CLEC2A: variants seen among roughly 807,000 people sequenced by gnomAD.
CLEC2A encodes C-type lectin domain family 2 member A, also known as keratinocyte-associated C-type lectin.
A neutral mutation model predicts 18.6 loss-of-function variants in CLEC2A; 19 were observed. That is an observed-to-expected ratio of 1.02 (90% confidence interval 0.71 to 1.50). The LOEUF (loss-of-function observed/expected upper bound fraction) is 1.50, where lower values mean the gene tolerates loss of function less well. Among genes scored for constraint, CLEC2A ranks in the 40% most tolerant of loss-of-function variants. The pLI is 0.00. For missense variants in CLEC2A, 190 were observed against 207.9 expected (o/e 0.91, Z 0.53); for synonymous variants, 74 against 64.0 (o/e 1.16, Z -0.75).
intron 3 of CLEC2A, among the ~76,000 whole-genome samples, chr12:9,918,714 G>A (rs943389894): frequency 5.3e-5 from 8 of 152,138 alleles, no homozygotes; most frequent in Non-Finnish European, 4.4e-5. Context: ...GTTCAGCCTC[G>A]TTAAGAACTC....
intron 3 of CLEC2A, among the ~76,000 whole-genome samples, chr12:9,919,784 C>T (rs938413364): frequency 6.6e-6 from 1 of 152,202 alleles, no homozygotes; most frequent in Non-Finnish European, 1.5e-5. Context: ...GCCTACAAAA[C>T]AGCAAAGAAG....
intron 3 of CLEC2A, among the ~76,000 whole-genome samples, chr12:9,921,311 G>A (rs1863169512): frequency 6.6e-6 from 1 of 152,184 alleles, no homozygotes; most frequent in Non-Finnish European, 1.5e-5. Flanking sequence ...AGTTAACCAT[G>A]CTGTTTATGG....
In CLEC2A at chr12:9,924,302, C is replaced by A. The variant is rs139112047; in HGVS notation, c.139+1958G>T. Among the ~76,000 whole-genome samples, 1,220 of 152,076 alleles carry A rather than the reference C, an allele frequency of 8.0e-3. 16 individuals carry two copies. The highest frequency in any genetic ancestry group is 9.7e-3 in the Non-Finnish European group (662 of 67,964). ...TCTTTTTAATCAATGAATAAATGAA[C>A]ATAAAAACTTACTGTAGAAACTCTT... On this transcript the variant is annotated intron_variant, in intron 2 of 4. Transcript: ENST00000455827.
At chr12:9,880,886 G>C in the CLEC2A span, among the ~76,000 whole-genome samples, 1 of 152,106 alleles carries the variant, frequency 6.6e-6, no homozygotes, top group Non-Finnish European at 1.5e-5. Context: ...ACAGAAATAA[G>C]CAGAATGATG....
chr12:9,890,128 T>C, the CLEC2A span, among the ~76,000 whole-genome samples: 1 of 152,212 alleles, frequency 6.6e-6, no homozygotes, highest in African/African-American at 2.4e-5. Context: ...CTAGATATTA[T>C]ACCATTGAAT....
chr12:9,883,167 G>T, the CLEC2A span, among the ~76,000 whole-genome samples: 1 of 152,130 alleles, frequency 6.6e-6, no homozygotes, highest in Non-Finnish European at 1.5e-5. Context: ...ATTCTTACCA[G>T]TTGTTCAGTT....
At chr12:9,891,633 C>T in the CLEC2A span, among the ~76,000 whole-genome samples, 2 of 152,242 alleles carry the variant, frequency 1.3e-5, no homozygotes, top group South Asian at 4.1e-4. Context: ...TGTATTTGTA[C>T]AACTGAAATT....
chr12:9,912,363 G>C (rs1175008778), downstream of CLEC2A, among the ~76,000 whole-genome samples: 1 of 152,044 alleles, frequency 6.6e-6, no homozygotes, highest in Admixed American at 6.5e-5. Context: ...GACCCCACTT[G>C]CCTGTCCCTC....
chr12:9,930,845 CTGTCA>C (rs1863364029), intron 1 of CLEC2A, among the ~76,000 whole-genome samples: 1 of 151,378 alleles, frequency 6.6e-6, no homozygotes, highest in Non-Finnish European at 1.5e-5. Context: ...GTTTTCTTTT[CTGTCA>C]TGTTTTTAAT....
At position 9,916,555 on chromosome 12, in the gene CLEC2A, G is replaced by A. The variant is rs1163428239; in HGVS notation, c.410+145C>T. ...TCTAGGATATGCTTCAATGTGAAAGGGCATATGTCATCGATTGGAGACTGA... is the reference window on the plus strand; with the variant it reads ...TCTAGGATATGCTTCAATGTGAAAGAGCATATGTCATCGATTGGAGACTGA... On this transcript the variant is annotated intron_variant, in intron 4 of 4. Transcript: ENST00000455827. 8 of 626,606 alleles carry A rather than the reference G, an allele frequency of 1.3e-5. No homozygotes were observed. In the East Asian group the frequency reaches 1.9e-4, roughly 15 times the overall value. 38.8% of individuals were successfully genotyped at this position (626,606 alleles called of 1,614,324 possible). A position where few individuals can be genotyped will look rare whatever the true frequency, so the allele number is the denominator to read the frequency against.
At chr12:9,887,724 GTTT>G in the CLEC2A span, among the ~76,000 whole-genome samples, 5 of 133,522 alleles carry the variant, frequency 3.7e-5, no homozygotes, top group African/African-American at 5.5e-5. Context: ...GGTCAAAAGA[GTTT>G]TTTTTTTTTT....
chr12:9,887,624 G>A, the CLEC2A span, among the ~76,000 whole-genome samples: 3 of 151,600 alleles, frequency 2.0e-5, no homozygotes, highest in Admixed American at 6.6e-5. Flanking sequence ...ATTAACAACT[G>A]TTCTGTTTTC....
At chr12:9,925,186 G>T (rs914314419) in intron 2 of CLEC2A, among the ~76,000 whole-genome samples, 3 of 152,196 alleles carry the variant, frequency 2.0e-5, no homozygotes, top group African/African-American at 7.2e-5. Context: ...TTAACTAAAC[G>T]CATGTGCTTT....
the CLEC2A span, among the ~76,000 whole-genome samples, chr12:9,879,226 T>G: frequency 6.6e-6 from 1 of 151,976 alleles, no homozygotes; most frequent in Non-Finnish European, 1.5e-5. Context: ...CTAAGGAAAA[T>G]TACATGTATG....
intron 4 of CLEC2A, among the ~76,000 whole-genome samples, chr12:9,905,140 C>T (rs577144698): frequency 2.0e-5 from 3 of 152,134 alleles, no homozygotes; most frequent in Non-Finnish European, 1.5e-5. Context: ...TTATTAAGCC[C>T]TTTTTAGAGT....
At chr12:9,895,969 C>T (rs1591780926), downstream of CLEC2A, 3 of 788,690 alleles carry the variant, frequency 3.8e-6, no homozygotes, top group Non-Finnish European at 5.5e-6. Flanking sequence ...AGTATTTTAT[C>T]CTGAATTGAC....
chr12:9,885,296 G>C, the CLEC2A span, among the ~76,000 whole-genome samples: 1 of 149,846 alleles, frequency 6.7e-6, no homozygotes, highest in Non-Finnish European at 1.5e-5. Context: ...AAAAGAGTAT[G>C]TGCTCATTGG....
Position 9,913,380 on chromosome 12 carries a change from CAG to C in CLEC2A, c.*184_*185del. ...GTGATTGTGCCCTTATAAAAGGCTC[CAG>C]AGAACGGCCTTGTCTCTTTAACCAT... On this transcript the variant is annotated 3_prime_UTR_variant, in exon 5 of 5. Coordinates refer to ENST00000455827, the MANE Select transcript of CLEC2A (RefSeq NM_001130711.2). 1 of 1,029,374 alleles carries C rather than the reference CAG, an allele frequency of 9.7e-7. No homozygotes were observed. Among genetic ancestry groups the C allele is most frequent in the Non-Finnish European group, 1.3e-6 (1 of 754,818 alleles). 63.8% of individuals were successfully genotyped at this position (1,029,374 alleles called of 1,614,324 possible).
chr12:9,877,841 A>G, the CLEC2A span, among the ~76,000 whole-genome samples: 3 of 152,262 alleles, frequency 2.0e-5, no homozygotes, highest in Non-Finnish European at 2.9e-5. Flanking sequence ...GAATGAATCA[A>G]TATACGAATG....
Sources: allele counts gnomAD v4.1 joint callset (sites outside exome capture counted in the v4.1 genomes callset), GRCh38; gene constraint gnomAD v4.1.1; transcripts MANE v1.5; gene names NCBI Gene and HGNC (gene_info 2026-07-23, HGNC 2026-07-21).